The following MYH11 variants were observed in gnomAD, a reference collection of about 807,000 sequenced individuals.
The protein encoded by MYH11 is myosin heavy chain 11.
A neutral mutation model predicts 246.6 loss-of-function variants in MYH11; 80 were observed. The observed-to-expected ratio is 0.32, with a 90% CI of 0.27 to 0.39. The LOEUF (loss-of-function observed/expected upper bound fraction) is 0.39, where lower values mean the gene tolerates loss of function less well. MYH11 is among the 10% of genes least tolerant of loss of function. The pLI, the probability that MYH11 is intolerant of heterozygous loss-of-function variation, is 1.00. For synonymous variants in MYH11, 1,071 were observed against 1,015.5 expected, an observed-to-expected ratio of 1.05 and a Z score of -1.04; for missense variants, 2,158 against 2,546.8, an observed-to-expected ratio of 0.85 and a Z score of 3.29.
intron 1 of MYH11, among the ~76,000 whole-genome samples, chr16:15,850,675 G>C (rs146297020): frequency 1.1e-3 from 172 of 152,114 alleles, no homozygotes; most frequent in African/African-American, 3.9e-3. Context: ...CAGGCAGTTC[G>C]CTTGAGCTTA....
Position 15,719,713 on chromosome 16 carries a change from C to T in MYH11, c.4954G>A (p.Ala1652Thr), listed in dbSNP as rs767128780. 6.2e-7 allele frequency: 1 copy of T among 1,614,134 alleles called. No individual in the cohort carries two copies. The highest frequency in any genetic ancestry group is 1.1e-5 in the South Asian group (1 of 91,086). Residue 1652 changes from alanine (A) to threonine (T), a missense_variant and splice_region_variant, in exon 35 of 41, where the codon GCT becomes ACT. Physicochemically the swap from Ala to Thr is moderately conservative, Grantham distance 58. Transcript: ENST00000300036. The stretch of plus-strand genomic sequence containing the variant: ...TCTCTTTGAAAGTCCTTCATCTGAG[C>T]CTGCATGAGTCAACAGGGAGGACAA... ...EAIKQLRKLQ[A>T]QMKDFQRELE...
intron 3 of MYH11, among the ~76,000 whole-genome samples, chr16:15,804,035 A>G (rs1461622486): frequency 2.0e-5 from 3 of 152,160 alleles, no homozygotes; most frequent in African/African-American, 7.2e-5. Flanking sequence ...TCCTTCCCCA[A>G]GCCTGAGCTT....
intron 4 of MYH11, chr16:15,791,861 A>T (rs969611113): frequency 1.3e-5 from 2 of 151,804 alleles, no homozygotes; most frequent in African/African-American, 4.8e-5. Context: ...TTCTGTAGAG[A>T]CAGGGGTCTC....
rs147897132 is a variant in MYH11 at position 15,747,661 on chromosome 16, C to G, written c.2320G>C (p.Val774Leu). 1 of 1,613,966 alleles carries G rather than the reference C, an allele frequency of 6.2e-7. No homozygotes were observed. The highest frequency in any genetic ancestry group is 8.5e-7 in the Non-Finnish European group (1 of 1,180,040). The change falls in exon 19 of 41, where the codon GTC (valine) becomes CTC (leucine). Residue 774 changes from valine to leucine, a missense_variant. Coordinates refer to ENST00000300036, the MANE Select transcript of MYH11 (RefSeq NM_002474.3). ...GQSKIFFRTG[V>L]LAHLEEERDL... Reference sequence around the variant, plus strand: ...CGCTCCTCCTCTAGGTGGGCCAGGACGCCAGTTCGGAAGAAGATTTTGCTC... The same window carrying G: ...CGCTCCTCCTCTAGGTGGGCCAGGAGGCCAGTTCGGAAGAAGATTTTGCTC...
intron 14 of MYH11, among the ~76,000 whole-genome samples, chr16:15,754,934 C>T (rs1484859608): frequency 6.6e-6 from 1 of 152,208 alleles, no homozygotes; most frequent in East Asian, 1.9e-4. Context: ...AATCCACCTG[C>T]CTTGGTGCTG....
chr16:15,747,987 C>T (rs369346789), intron 17 of MYH11, 44 bp from the exon 18 acceptor site: 53 of 1,614,070 alleles, frequency 3.3e-5, no homozygotes, highest in Non-Finnish European at 3.9e-5. Context: ...CTCCAGCATC[C>T]ATTCCTCCAC....
At chr16:15,748,873 C>T (rs549070388) in intron 16 of MYH11, among the ~76,000 whole-genome samples, 12 of 152,286 alleles carry the variant, frequency 7.9e-5, no homozygotes, top group African/African-American at 2.9e-4. Flanking sequence ...CCCACCTCAA[C>T]CTCCCAAAGT....
intron 9 of MYH11, among the ~76,000 whole-genome samples, chr16:15,771,087 C>T (rs1019136257): frequency 3.3e-5 from 5 of 151,892 alleles, no homozygotes; most frequent in South Asian, 2.1e-4. Context: ...CTCTGCCTTC[C>T]GGGTTCAAGC....
chr16:15,737,944 C>T (rs2041169189), intron 24 of MYH11, among the ~76,000 whole-genome samples: 1 of 152,086 alleles, frequency 6.6e-6, no homozygotes, highest in Admixed American at 6.6e-5. Context: ...AGGCGCCCGC[C>T]ACCACGCCTG....
At chr16:15,847,012 G>A (rs913447515) in intron 1 of MYH11, among the ~76,000 whole-genome samples, 11 of 152,008 alleles carry the variant, frequency 7.2e-5, no homozygotes, top group African/African-American at 1.9e-4. Context: ...CACATCAAGC[G>A]TACTTTTTTG....
At chr16:15,805,220 T>C (rs2151330115) in intron 3 of MYH11, among the ~76,000 whole-genome samples, 1 of 152,180 alleles carries the variant, frequency 6.6e-6, no homozygotes, top group East Asian at 1.9e-4. Context: ...TATTGCATTG[T>C]GTATTTATTG....
intron 3 of MYH11, among the ~76,000 whole-genome samples, chr16:15,812,262 C>T (rs904921605): frequency 2.0e-5 from 3 of 152,224 alleles, no homozygotes; most frequent in African/African-American, 7.2e-5. Flanking sequence ...GTTTTCCCAG[C>T]TGTAAAAGGG....
rs142128375 is a variant in MYH11 at position 15,741,581 on chromosome 16, G to T, written c.2741C>A (p.Ala914Glu). ...AEAEEMRVRL[A>E]AKKQELEEIL... ...CTCCTCCAGCTCCTGCTTCTTGGCC[G>T]CCAGCCGCACCCGCATCTCCTCAGC... The change falls in exon 22 of 41, where the codon GCG (alanine) becomes GAG (glutamate). Residue 914 changes from alanine (A) to glutamate (E), a missense_variant. Around this residue, in one of 11 missense-constraint regions of MYH11, gnomAD observed 284 missense variants for 315.4 expected, o/e 0.90. Coordinates refer to ENST00000300036, the MANE Select transcript of MYH11 (RefSeq NM_002474.3). 4.3e-6 allele frequency: 7 copies of T among 1,610,614 alleles called. No individual in the cohort carries two copies. In the African/African-American group the frequency reaches 5.3e-5, roughly 12 times the overall value.
intron 5 of MYH11, chr16:15,784,547 T>A (rs2042424933): frequency 2.6e-6 from 2 of 775,584 alleles, no homozygotes; most frequent in African/African-American, 1.7e-5. Flanking sequence ...GATGGTATTT[T>A]GGTGCATTTA....
At chr16:15,727,126 TCCTC>T (rs2040805894) in intron 27 of MYH11, 72 bp from the exon 28 acceptor site, 1 of 1,434,174 alleles carries the variant, frequency 7.0e-7, no homozygotes, top group South Asian at 1.1e-5. Context: ...CCCTGCCCTT[TCCTC>T]CCTCAGAGAG....
In MYH11 at chr16:15,837,904, T is replaced by A. The variant is rs2043942878; in HGVS notation, c.345+4A>T. 1 of 1,613,280 alleles carries A rather than the reference T, an allele frequency of 6.2e-7. No individual in the cohort carries two copies. The highest frequency in any genetic ancestry group is 8.5e-7 in the Non-Finnish European group (1 of 1,179,276). On this transcript the variant is annotated splice_donor_region_variant and intron_variant, in intron 2 of 40. Transcript: ENST00000300036. The stretch of plus-strand genomic sequence containing the variant: ...GTAGGTACCTGGCTGCCTGCAATAC[T>A]CACATATATTAGCCCTGAGAAGTAC...
intron 10 of MYH11, among the ~76,000 whole-genome samples, chr16:15,761,142 G>A (rs1341624582): frequency 2.0e-5 from 3 of 151,864 alleles, no homozygotes; most frequent in Non-Finnish European, 2.9e-5. Context: ...ACAGAGTCTC[G>A]CTCTGTCGCC....
In MYH11 at chr16:15,824,335, T is replaced by G. The variant is rs563416781; in HGVS notation, c.346-924A>C. Among the ~76,000 whole-genome samples the G allele has an allele frequency of 3.0e-4, 45 of 151,904 alleles. 1 individual carries two copies. The highest frequency in any genetic ancestry group is 1.1e-3 in the African/African-American group (44 of 41,404). ...CTCTGTCGCCCAGGCTGCAGTGTAG[T>G]GGGGTGATCTTGGCTCACTACAACC... is the stretch of plus-strand genomic sequence containing the variant. On this transcript the variant is annotated intron_variant, in intron 2 of 40. Transcript: ENST00000300036.
chr16:15,732,767 C>T, intron 26 of MYH11, 59 bp from the exon 27 acceptor site: 2 of 1,603,232 alleles, frequency 1.2e-6, no homozygotes, highest in Admixed American at 1.7e-5. Flanking sequence ...CATCTCAGTG[C>T]CGTGCAAAAG....
Sources: allele counts gnomAD v4.1 joint callset (sites outside exome capture counted in the v4.1 genomes callset), GRCh38; gene constraint gnomAD v4.1.1; regional missense constraint gnomAD v4.1.1; transcripts MANE v1.5; gene names NCBI Gene and HGNC (gene_info 2026-07-23, HGNC 2026-07-21).